The following TMEM132C variants were observed in gnomAD, a reference collection of about 807,000 sequenced individuals.
The protein encoded by TMEM132C is transmembrane protein 132C.
A neutral mutation model predicts 61.4 loss-of-function variants in TMEM132C; 29 were observed. The observed-to-expected ratio is 0.47, with a 90% CI of 0.35 to 0.64. The LOEUF (loss-of-function observed/expected upper bound fraction) is 0.64, where lower values mean the gene tolerates loss of function less well. TMEM132C is among the 30% of genes least tolerant of loss of function. The probability of loss-of-function intolerance (pLI) is 0.00; values close to 1 mark genes in which losing one functional copy is unlikely to be tolerated. For synonymous variants in TMEM132C, 656 were observed against 633.1 expected (o/e 1.04, Z -0.54); for missense variants, 1,408 against 1,476.9 (o/e 0.95, Z 0.76).
At chr12:128,272,116 A>ACC (rs1870542310) in intron 1 of TMEM132C, among the ~76,000 whole-genome samples, 1 of 152,234 alleles carries the variant, frequency 6.6e-6, no homozygotes, top group African/African-American at 2.4e-5. Flanking sequence ...ACAGTCACGT[A>ACC]AACATCACTA....
intron 4 of TMEM132C, among the ~76,000 whole-genome samples, chr12:128,666,079 G>GCACACA (rs58554620): frequency 0.02 from 1,991 of 100,948 alleles, 66 homozygotes; most frequent in African/African-American, 0.059. Context: ...AAACACACAG[G>GCACACA]CACACACACA....
rs576649200 is a variant in TMEM132C at position 128,630,875 on chromosome 12, T to C, written c.1305+14540T>C. 1.3e-5 allele frequency among the ~76,000 whole-genome samples: 2 copies of C among 152,142 alleles called. No individual in the cohort carries two copies. Among genetic ancestry groups the C allele is most frequent in the South Asian group, 4.1e-4 (2 of 4,820 alleles). On this transcript the variant is annotated intron_variant, in intron 4 of 8. Coordinates refer to ENST00000435159, the MANE Select transcript of TMEM132C (RefSeq NM_001136103.3). The surrounding 1 kb of genome is among the most constrained non-coding windows in gnomAD (Gnocchi z 4.3). The stretch of plus-strand genomic sequence containing the variant: ...GGGTGAAACCCATCTCTACTAAAAA[T>C]ACAAAAATTAGTCGGGCATGGTGGT...
At chr12:128,696,695 A>G (rs1566018053) in intron 7 of TMEM132C, among the ~76,000 whole-genome samples, 1 of 152,216 alleles carries the variant, frequency 6.6e-6, no homozygotes. Flanking sequence ...GTCATTCAGG[A>G]TCCTTACACC....
intron 2 of TMEM132C, among the ~76,000 whole-genome samples, chr12:128,445,598 G>A (rs930776260): frequency 3.3e-5 from 5 of 152,142 alleles, no homozygotes; most frequent in Non-Finnish European, 5.9e-5. Context: ...CTTCAGCTCC[G>A]CGGACCATCC....
chr12:128,554,315 C>T (rs6486697), intron 3 of TMEM132C, among the ~76,000 whole-genome samples: 1,682 of 152,206 alleles, frequency 0.011, 35 homozygotes, highest in African/African-American at 0.038. Context: ...CTGTGAGAGG[C>T]GGGGAGGGTG....
intron 2 of TMEM132C, among the ~76,000 whole-genome samples, chr12:128,430,892 C>T (rs1869360263): frequency 6.6e-6 from 1 of 152,130 alleles, no homozygotes; most frequent in Middle Eastern, 3.2e-3. Context: ...CCTTAGGCCT[C>T]CCTATTCCCT....
chr12:128,297,307 C>T (rs1410861559), intron 1 of TMEM132C, among the ~76,000 whole-genome samples: 5 of 152,220 alleles, frequency 3.3e-5, no homozygotes, highest in African/African-American at 9.6e-5. Context: ...TGATGGCCTC[C>T]TGCCGATAGG....
chr12:128,594,506 C>T (rs889183982), intron 3 of TMEM132C, among the ~76,000 whole-genome samples: 4 of 152,034 alleles, frequency 2.6e-5, no homozygotes, highest in Non-Finnish European at 4.4e-5. Flanking sequence ...GCACATTGCA[C>T]GGTGCAAATG....
At chr12:128,459,301 A>T (rs1247416107) in intron 2 of TMEM132C, among the ~76,000 whole-genome samples, 2 of 152,198 alleles carry the variant, frequency 1.3e-5, no homozygotes, top group African/African-American at 4.8e-5. Context: ...TTTGTTCTGC[A>T]CTGCTGGCCA....
intron 1 of TMEM132C, among the ~76,000 whole-genome samples, chr12:128,282,467 T>C (rs906212381): frequency 1.3e-5 from 2 of 152,186 alleles, no homozygotes; most frequent in Non-Finnish European, 2.9e-5. Flanking sequence ...AAAGGAAAAG[T>C]GTCCCTTATA....
At chr12:128,563,055 GA>G (rs1161775454) in intron 3 of TMEM132C, among the ~76,000 whole-genome samples, 3 of 152,236 alleles carry the variant, frequency 2.0e-5, no homozygotes, top group African/African-American at 7.2e-5. Context: ...TCTTGACCCA[GA>G]AGCTCTGTGT....
chr12:128,436,401 C>T (rs1869591771), intron 2 of TMEM132C, among the ~76,000 whole-genome samples: 2 of 152,208 alleles, frequency 1.3e-5, no homozygotes, highest in African/African-American at 4.8e-5. Flanking sequence ...ATCTCCCCAT[C>T]TGACAAAGGG....
At chr12:128,288,464 G>T in intron 1 of TMEM132C, 1 of 152,778 alleles carries the variant, frequency 6.5e-6, no homozygotes, top group Non-Finnish European at 1.5e-5. Flanking sequence ...CTGGGTCTGG[G>T]CTGTCCTGTT....
intron 3 of TMEM132C, among the ~76,000 whole-genome samples, chr12:128,598,698 G>C (rs990539767): frequency 4.6e-5 from 7 of 152,068 alleles, no homozygotes; most frequent in African/African-American, 1.7e-4. Flanking sequence ...TCAGCTCAAA[G>C]GCCCTGTCTC....
chr12:128,407,500 G>A (rs1875386626), intron 1 of TMEM132C, among the ~76,000 whole-genome samples: 1 of 152,126 alleles, frequency 6.6e-6, no homozygotes, highest in Non-Finnish European at 1.5e-5. Context: ...CATGTTCAAG[G>A]CCTCCTGAGT....
At chr12:128,449,484 T>C (rs1253080865) in intron 2 of TMEM132C, among the ~76,000 whole-genome samples, 2 of 152,244 alleles carry the variant, frequency 1.3e-5, no homozygotes, top group African/African-American at 4.8e-5. Context: ...GATAACTTCT[T>C]ATTAGTTCAT....
chr12:128,480,658 A>ATTCCCGAGCTTCCCACTTACTAGCAT lies in TMEM132C; in HGVS notation c.975-63296_975-63271dup, dbSNP rs554027384. On this transcript the variant is annotated intron_variant, in intron 2 of 8. Transcript: ENST00000435159. Reference sequence around the variant, plus strand: ...ACCGCGTCAGAGCTGAATTTTGGGAATTCCCGAGCTTCCCACTTACTAGCA... The same window carrying ATTCCCGAGCTTCCCACTTACTAGCAT: ...ACCGCGTCAGAGCTGAATTTTGGGAATTCCCGAGCTTCCCACTTACTAGCATTTCCCGAGCTTCCCACTTACTAGCA... Among the ~76,000 whole-genome samples the ATTCCCGAGCTTCCCACTTACTAGCAT allele has an allele frequency of 1.2e-3, 185 of 152,282 alleles. 4 individuals carry two copies. The South Asian group carries it at 0.035, about 29-fold the overall frequency.
At chr12:128,641,771 G>T (rs73145648) in intron 4 of TMEM132C, among the ~76,000 whole-genome samples, 1 of 152,010 alleles carries the variant, frequency 6.6e-6, no homozygotes, top group African/African-American at 2.4e-5. Context: ...ATCTAAAATT[G>T]GTATTATTTT....
chr12:128,429,117 A>G (rs1044614471), intron 2 of TMEM132C, among the ~76,000 whole-genome samples: 65 of 152,126 alleles, frequency 4.3e-4, no homozygotes, highest in African/African-American at 1.5e-3. Flanking sequence ...TTGAGGTAAG[A>G]CAGGTTTTTC....
Sources: allele counts gnomAD v4.1 joint callset (sites outside exome capture counted in the v4.1 genomes callset), GRCh38; gene constraint gnomAD v4.1.1; non-coding constraint Gnocchi (gnomAD v3.1); transcripts MANE v1.5; gene names NCBI Gene and HGNC (gene_info 2026-07-23, HGNC 2026-07-21).